Variants in ZDHHC17 observed in about 807,000 individuals in gnomAD.
The protein encoded by ZDHHC17 is zDHHC palmitoyltransferase 17.
Under a neutral mutation model 90.3 loss-of-function variants are expected in ZDHHC17, and 40 were observed. That is an observed-to-expected ratio of 0.44 (90% CI 0.34 to 0.58). The LOEUF (loss-of-function observed/expected upper bound fraction) is 0.58. Among genes scored for constraint, ZDHHC17 ranks in the 20% least tolerant of loss-of-function variants. The probability of loss-of-function intolerance (pLI) is 0.01; values close to 1 mark genes in which losing one functional copy is unlikely to be tolerated. For missense variants in ZDHHC17, 614 were observed against 780.8 expected (o/e 0.79, Z 2.55); for synonymous variants, 235 against 252.4 (o/e 0.93, Z 0.65).
At chr12:76,822,264 T>G in intron 7 of ZDHHC17, 142 bp from the exon 8 acceptor site, 6 of 963,630 alleles carry the variant, frequency 6.2e-6, no homozygotes, top group Non-Finnish European at 9.1e-6. Context: ...CATGTAATGA[T>G]GCAGGTGTTT....
intron 1 of ZDHHC17, among the ~76,000 whole-genome samples, chr12:76,787,615 TCC>T (rs1326088551): frequency 2.8e-5 from 3 of 105,734 alleles, no homozygotes; most frequent in East Asian, 2.4e-4. Context: ...ACTCTGTCTC[TCC>T]CTCTCTCTCT....
Position 76,809,772 on chromosome 12 carries a change from T to A in ZDHHC17, c.458T>A (p.Ile153Asn), listed in dbSNP as rs1469370588. 1 of 1,603,632 alleles carries A rather than the reference T, an allele frequency of 6.2e-7. No individual in the cohort carries two copies. Among genetic ancestry groups the A allele is most frequent in the African/African-American group, 1.3e-5 (1 of 74,266 alleles). ...AAATATGGTGCAGATCCTTCATTAA[T>A]TGATGGAGAAGGATGTAGCTGTATT... ...LMKYGADPSL[I>N]DGEGCSCIHL... Residue 153 changes from isoleucine (I) to asparagine (N), a missense_variant, in exon 5 of 17, where the codon ATT (isoleucine) becomes AAT (asparagine). Physicochemically the swap from Ile to Asn is moderately radical, Grantham distance 149. This residue lies in a region of ZDHHC17 where 358 missense variants were observed against 380.4 expected (regional missense o/e 0.94). Transcript: ENST00000426126.
intron 2 of ZDHHC17, among the ~76,000 whole-genome samples, chr12:76,803,401 C>T (rs1952915638): frequency 6.6e-6 from 1 of 151,714 alleles, no homozygotes; most frequent in South Asian, 2.1e-4. Context: ...GAATATGAAT[C>T]ATTCCTCTTG....
At chr12:76,838,538 A>G (rs1354869444) in intron 10 of ZDHHC17, among the ~76,000 whole-genome samples, 1 of 152,206 alleles carries the variant, frequency 6.6e-6, no homozygotes, top group Non-Finnish European at 1.5e-5. Context: ...AGCCTAAGAA[A>G]AAGAGAGCTC....
intron 11 of ZDHHC17, 136 bp from the exon 12 acceptor site, chr12:76,842,783 G>C: frequency 3.2e-6 from 2 of 624,014 alleles, no homozygotes; most frequent in Non-Finnish European, 5.4e-6. Context: ...GTAAATAAAA[G>C]ATTTTATTTC....
intron 16 of ZDHHC17, among the ~76,000 whole-genome samples, chr12:76,850,129 C>T (rs1158207336): frequency 2.6e-5 from 4 of 152,006 alleles, no homozygotes; most frequent in African/African-American, 7.2e-5. Flanking sequence ...CTTGGCCAGG[C>T]TGGTCCTGAA....
chr12:76,807,791 T>G (rs971861826), intron 3 of ZDHHC17, among the ~76,000 whole-genome samples: 5 of 152,192 alleles, frequency 3.3e-5, no homozygotes, highest in Non-Finnish European at 5.9e-5. Flanking sequence ...GGGATGAAAT[T>G]GCTTTAGAAA....
At chr12:76,770,926 CAAAAAAAAAA>C (rs34292734) in intron 1 of ZDHHC17, among the ~76,000 whole-genome samples, 22 of 76,176 alleles carry the variant, frequency 2.9e-4, no homozygotes, top group Non-Finnish European at 1.3e-4. Flanking sequence ...AACTCCATCT[CAAAAAAAAAA>C]AAAAAAAAAA....
chr12:76,804,350 C>T (rs1404049830), intron 2 of ZDHHC17, among the ~76,000 whole-genome samples: 1 of 152,164 alleles, frequency 6.6e-6, no homozygotes, highest in East Asian at 1.9e-4. Flanking sequence ...GACTCACTCT[C>T]CTATGAGGAA....
At chr12:76,823,278 G>A (rs1378952471) in intron 8 of ZDHHC17, among the ~76,000 whole-genome samples, 1 of 152,094 alleles carries the variant, frequency 6.6e-6, no homozygotes, top group Non-Finnish European at 1.5e-5. Flanking sequence ...CTTGAGCTTT[G>A]CATTCTTTTG....
chr12:76,782,782 G>A (rs1285558343), intron 1 of ZDHHC17, among the ~76,000 whole-genome samples: 11 of 152,066 alleles, frequency 7.2e-5, no homozygotes, highest in African/African-American at 2.7e-4. Context: ...AAATACCTCA[G>A]TGTAGAACTG....
chr12:76,786,589 A>G lies in ZDHHC17; in HGVS notation c.94-10845A>G, dbSNP rs574884971. ...TTTTATTTTTAGAGACAGTCTCACT[A>G]TGTTCCTCAGGCTGGTCTCAAACTC... On this transcript the variant is annotated intron_variant, in intron 1 of 16. Coordinates refer to ENST00000426126, the MANE Select transcript of ZDHHC17 (RefSeq NM_015336.4). Among the ~76,000 whole-genome samples the G allele has an allele frequency of 2.0e-4, 30 of 152,190 alleles. No homozygotes were observed. In the East Asian group the frequency reaches 2.9e-3, roughly 15 times the overall value.
At chr12:76,807,204 C>A (rs922118112) in intron 3 of ZDHHC17, among the ~76,000 whole-genome samples, 1 of 152,162 alleles carries the variant, frequency 6.6e-6, no homozygotes, top group Admixed American at 6.5e-5. Context: ...ACAAAGAAAG[C>A]GTTCGAGCAC....
At chr12:76,772,587 T>A (rs1334197421) in intron 1 of ZDHHC17, among the ~76,000 whole-genome samples, 1 of 141,580 alleles carries the variant, frequency 7.1e-6, no homozygotes, top group Non-Finnish European at 1.5e-5. Context: ...CAGGCTGGAG[T>A]GCAGTGATAC....
At chr12:76,850,617 A>T (rs538417743) in intron 16 of ZDHHC17, among the ~76,000 whole-genome samples, 19 of 152,368 alleles carry the variant, frequency 1.2e-4, no homozygotes, top group African/African-American at 4.1e-4. Context: ...AATTTAAAAT[A>T]TAATTGTGTA....
At chr12:76,821,096 A>G in intron 7 of ZDHHC17, 1 of 1,289,282 alleles carries the variant, frequency 7.8e-7, no homozygotes, top group Non-Finnish European at 1.0e-6. Flanking sequence ...AGTGGAAGGG[A>G]TGCTCAGCTG....
intron 8 of ZDHHC17, among the ~76,000 whole-genome samples, chr12:76,825,203 C>G (rs1179042145): frequency 6.6e-6 from 1 of 152,056 alleles, no homozygotes; most frequent in East Asian, 1.9e-4. Flanking sequence ...TACTGTGATA[C>G]GCTAGATGTT....
intron 7 of ZDHHC17, among the ~76,000 whole-genome samples, chr12:76,818,893 T>G (rs1023342594): frequency 6.6e-6 from 1 of 152,166 alleles, no homozygotes; most frequent in Non-Finnish European, 1.5e-5. Flanking sequence ...AAACATTACT[T>G]TGGTTGATGT....
At chr12:76,850,732 A>AATTTT (rs1408394329) in intron 16 of ZDHHC17, 115 bp from the exon 17 acceptor site, 25 of 1,325,426 alleles carry the variant, frequency 1.9e-5, no homozygotes. Context: ...TCTTGCAAGT[A>AATTTT]ACCTGAGTTT....
Sources: allele counts gnomAD v4.1 joint callset (sites outside exome capture counted in the v4.1 genomes callset), GRCh38; gene constraint gnomAD v4.1.1; regional missense constraint gnomAD v4.1.1; transcripts MANE v1.5; gene names NCBI Gene and HGNC (gene_info 2026-07-23, HGNC 2026-07-21).